The following MAF variants were observed in gnomAD, a reference collection of about 807,000 sequenced individuals.
MAF encodes transcription factor Maf.
In MAF, 10 loss-of-function variants were observed where a neutral mutation model predicts 22.0. The observed-to-expected ratio is 0.45, with a 90% CI of 0.28 to 0.77. The LOEUF (loss-of-function observed/expected upper bound fraction) is 0.77. Among genes scored for constraint, MAF ranks in the 30% least tolerant of loss-of-function variants. The pLI is 0.12. For synonymous variants in MAF, 337 were observed against 255.8 expected, an observed-to-expected ratio of 1.32 and a Z score of -3.03; for missense variants, 544 against 548.4, an observed-to-expected ratio of 0.99 and a Z score of 0.08.
chr16:79,483,945 T>C, the MAF span, among the ~76,000 whole-genome samples: 1 of 152,140 alleles, frequency 6.6e-6, no homozygotes, highest in Non-Finnish European at 1.5e-5. Context: ...CCCCTCCTGG[T>C]AGAGTGGCCA....
At chr16:79,585,411 T>C (rs566115864), downstream of MAF, among the ~76,000 whole-genome samples, 1 of 152,296 alleles carries the variant, frequency 6.6e-6, no homozygotes, top group African/African-American at 2.4e-5. Flanking sequence ...AGAACTGAAT[T>C]ATAAGTGACT....
the MAF span, among the ~76,000 whole-genome samples, chr16:79,259,211 CTGCTCAGT>C: frequency 6.6e-6 from 1 of 152,148 alleles, no homozygotes; most frequent in Non-Finnish European, 1.5e-5. Context: ...CTTCCTGGCT[CTGCTCAGT>C]CCCCTTGGCC....
the MAF span, among the ~76,000 whole-genome samples, chr16:79,533,692 TC>T: frequency 6.6e-6 from 1 of 152,146 alleles, no homozygotes; most frequent in African/African-American, 2.4e-5. Context: ...AGAGATCCAT[TC>T]CTGACTTCCC....
chr16:79,410,919 C>T, the MAF span, among the ~76,000 whole-genome samples: 271 of 152,278 alleles, frequency 1.8e-3, no homozygotes, highest in Non-Finnish European at 2.9e-3. Context: ...AAGGACCTTA[C>T]GTGATGTTCC....
At chr16:79,263,473 G>C in the MAF span, among the ~76,000 whole-genome samples, 1 of 152,194 alleles carries the variant, frequency 6.6e-6, no homozygotes, top group Non-Finnish European at 1.5e-5. Flanking sequence ...TGAACCATTT[G>C]TCCTTGTCCT....
At chr16:79,548,470 A>T in the MAF span, among the ~76,000 whole-genome samples, 1 of 152,224 alleles carries the variant, frequency 6.6e-6, no homozygotes, top group Non-Finnish European at 1.5e-5. Context: ...GGAGAAACAC[A>T]TTGGTTAGTT....
At chr16:79,568,932 T>A in the MAF span, among the ~76,000 whole-genome samples, 2 of 152,226 alleles carry the variant, frequency 1.3e-5, no homozygotes. Context: ...GTGCCCATTT[T>A]ACAGATGAGA....
the MAF span, among the ~76,000 whole-genome samples, chr16:79,249,890 A>T: frequency 1.3e-5 from 2 of 152,112 alleles, no homozygotes; most frequent in Non-Finnish European, 2.9e-5. Context: ...CATAATGCTC[A>T]CTGCACGTAG....
the MAF span, among the ~76,000 whole-genome samples, chr16:79,534,536 A>G: frequency 6.7e-6 from 1 of 149,746 alleles, no homozygotes; most frequent in African/African-American, 2.5e-5. Context: ...TACTGCCAGT[A>G]CCACCTACCT....
At chr16:79,205,000 G>A in the MAF span, 1 of 152,140 alleles carries the variant, frequency 6.6e-6, no homozygotes, top group African/African-American at 2.4e-5. Context: ...GAATGGCATG[G>A]CCTTTGTATG....
chr16:79,231,319 G>A, the MAF span, among the ~76,000 whole-genome samples: 1 of 152,014 alleles, frequency 6.6e-6, no homozygotes, highest in African/African-American at 2.4e-5. Context: ...CCTGGTTTCT[G>A]GGGTAAAACT....
At chr16:79,221,663 G>T in the MAF span, among the ~76,000 whole-genome samples, 4 of 152,154 alleles carry the variant, frequency 2.6e-5, no homozygotes, top group Non-Finnish European at 4.4e-5. Flanking sequence ...CAGCTGATAA[G>T]AGTGTATGTG....
chr16:79,249,829 T>C, the MAF span, among the ~76,000 whole-genome samples: 1 of 152,168 alleles, frequency 6.6e-6, no homozygotes, highest in Admixed American at 6.5e-5. Flanking sequence ...TGTTGTTGTT[T>C]GGTCTGTCTT....
the MAF span, among the ~76,000 whole-genome samples, chr16:79,243,235 C>T: frequency 6.6e-6 from 1 of 151,710 alleles, no homozygotes; most frequent in Non-Finnish European, 1.5e-5. Context: ...ACACAAAAAA[C>T]CCTTAAAAAA....
the MAF span, among the ~76,000 whole-genome samples, chr16:79,377,718 A>T: frequency 6.6e-6 from 1 of 152,334 alleles, no homozygotes; most frequent in African/African-American, 2.4e-5. Context: ...GGTGTAAGGA[A>T]GAGGTCGAGT....
the MAF span, among the ~76,000 whole-genome samples, chr16:79,348,859 G>T: frequency 2.0e-5 from 3 of 152,168 alleles, no homozygotes; most frequent in African/African-American, 7.2e-5. Context: ...GGGCTAAATG[G>T]CAAGGTCCTG....
chr16:79,241,652 G>A, the MAF span, among the ~76,000 whole-genome samples: 4 of 151,952 alleles, frequency 2.6e-5, no homozygotes, highest in Non-Finnish European at 5.9e-5. Flanking sequence ...TCCCCAACCT[G>A]GCAAGGCAGG....
the MAF span, among the ~76,000 whole-genome samples, chr16:79,219,275 T>C: frequency 6.6e-6 from 1 of 152,182 alleles, no homozygotes; most frequent in Non-Finnish European, 1.5e-5. Context: ...CAATGTCTCA[T>C]CTGATGCTGG....
chr16:79,511,642 T>G, the MAF span, among the ~76,000 whole-genome samples: 4 of 152,232 alleles, frequency 2.6e-5, no homozygotes, highest in African/African-American at 4.8e-5. Context: ...TAAGATAATA[T>G]GTATGGTACA....
Sources: allele counts gnomAD v4.1 joint callset (sites outside exome capture counted in the v4.1 genomes callset), GRCh38; gene constraint gnomAD v4.1.1; transcripts MANE v1.5; gene names NCBI Gene and HGNC (gene_info 2026-07-23, HGNC 2026-07-21).